PRKCA: variants seen among roughly 807,000 people sequenced by gnomAD.
PRKCA encodes the protein protein kinase C alpha type.
PRKCA carries 27 observed loss-of-function variants against 87.0 expected under a neutral mutation model. That is an observed-to-expected ratio of 0.31 (90% CI 0.23 to 0.43). The LOEUF (loss-of-function observed/expected upper bound fraction) is 0.43, where lower values mean the gene tolerates loss of function less well. PRKCA is among the 20% of genes least tolerant of loss of function. The pLI, the probability that PRKCA is intolerant of heterozygous loss-of-function variation, is 1.00. For missense variants in PRKCA, 518 were observed against 852.3 expected, an observed-to-expected ratio of 0.61 and a Z score of 4.88; for synonymous variants, 329 against 311.1, an observed-to-expected ratio of 1.06 and a Z score of -0.61.
intron 8 of PRKCA, among the ~76,000 whole-genome samples, chr17:66,717,425 G>C (rs1973505644): frequency 6.6e-6 from 1 of 152,332 alleles, no homozygotes; most frequent in East Asian, 1.9e-4. Context: ...TAGGTTCAAA[G>C]GCTGGAGTTC....
At chr17:66,507,661 G>A (rs151231398) in intron 3 of PRKCA, among the ~76,000 whole-genome samples, 161 of 152,320 alleles carry the variant, frequency 1.1e-3, no homozygotes, top group African/African-American at 3.8e-3. Context: ...CTTCTGAAGA[G>A]GGTACAGAGT....
At chr17:66,348,715 A>G (rs1457316553) in intron 2 of PRKCA, among the ~76,000 whole-genome samples, 1 of 152,206 alleles carries the variant, frequency 6.6e-6, no homozygotes, top group Non-Finnish European at 1.5e-5. Context: ...GGGTTTGCAT[A>G]CTTTCAGCCT....
chr17:66,671,209 CA>C (rs778507190), intron 5 of PRKCA, among the ~76,000 whole-genome samples: 3,960 of 48,058 alleles, frequency 0.082, 10 homozygotes, highest in Non-Finnish European at 0.11. Flanking sequence ...AGACTCATCT[CA>C]AAAAAAAAAA....
Position 66,392,919 on chromosome 17 carries a change from C to T in PRKCA, c.205+86792C>T, listed in dbSNP as rs193089194. 2.2e-3 allele frequency among the ~76,000 whole-genome samples: 333 copies of T among 152,132 alleles called. 1 individual carries two copies. The highest frequency in any genetic ancestry group is 7.3e-3 in the African/African-American group (301 of 41,502). ...TCTGAGGCACTCTGGGGAGAGTGTT[C>T]GCTTTCCAACAGTCGGGAAGCAAGC... On this transcript the variant is annotated intron_variant, in intron 2 of 16. Coordinates refer to ENST00000413366, the MANE Select transcript of PRKCA (RefSeq NM_002737.3).
chr17:66,497,558 A>T (rs1201635451), intron 3 of PRKCA, among the ~76,000 whole-genome samples: 1 of 152,038 alleles, frequency 6.6e-6, no homozygotes, highest in African/African-American at 2.4e-5. Context: ...AATATGTTGG[A>T]TAGAGAGAAA....
chr17:66,604,392 T>C (rs57871065), intron 3 of PRKCA, among the ~76,000 whole-genome samples: 3,943 of 152,324 alleles, frequency 0.026, 153 homozygotes, highest in East Asian at 0.15. Context: ...TGCACAGTTA[T>C]TCTGTTTCTC....
At chr17:66,613,997 G>T (rs2143655382) in intron 3 of PRKCA, among the ~76,000 whole-genome samples, 1 of 152,038 alleles carries the variant, frequency 6.6e-6, no homozygotes, top group East Asian at 1.9e-4. Flanking sequence ...CACCAAGATG[G>T]CCAGGCTTGT....
chr17:66,483,384 AG>A (rs1199652565), intron 2 of PRKCA, among the ~76,000 whole-genome samples: 1 of 152,132 alleles, frequency 6.6e-6, no homozygotes, highest in Non-Finnish European at 1.5e-5. Context: ...GCATCACCCC[AG>A]TCTTTCTCCA....
At chr17:66,670,754 C>T (rs969381368) in intron 5 of PRKCA, among the ~76,000 whole-genome samples, 5 of 151,688 alleles carry the variant, frequency 3.3e-5, no homozygotes, top group South Asian at 4.2e-4. Flanking sequence ...CCCAGCTACT[C>T]GGGAGGCTGA....
chr17:66,422,894 TGAGGTCAGGAGTTC>T (rs562870446), intron 2 of PRKCA, among the ~76,000 whole-genome samples: 1,597 of 152,246 alleles, frequency 0.01, 13 homozygotes, highest in Non-Finnish European at 0.018. Context: ...GTGGATCGCC[TGAGGTCAGGAGTTC>T]GAGACCAGCC....
Position 66,562,743 on chromosome 17 carries a change from C to T in PRKCA, c.288+66460C>T, listed in dbSNP as rs182818885. Among the ~76,000 whole-genome samples the T allele has an allele frequency of 4.0e-4, 61 of 152,054 alleles. 2 individuals are homozygous for T. The East Asian group carries it at 9.1e-3, about 23-fold the overall frequency. ...TTCTGAGTAGCTGGGATTACAGGTG[C>T]GCGCCACCACGCCCAGCTAATTTTT... is the stretch of plus-strand genomic sequence containing the variant. On this transcript the variant is annotated intron_variant, in intron 3 of 16. Coordinates refer to ENST00000413366, the MANE Select transcript of PRKCA (RefSeq NM_002737.3).
chr17:66,795,753 C>T (rs1042593840), intron 16 of PRKCA, among the ~76,000 whole-genome samples: 2 of 152,212 alleles, frequency 1.3e-5, no homozygotes, highest in Non-Finnish European at 2.9e-5. Context: ...GCCATTACAA[C>T]TTTTCTTGGA....
intron 16 of PRKCA, chr17:66,797,056 C>A: frequency 1.1e-6 from 1 of 887,132 alleles, no homozygotes; most frequent in Non-Finnish European, 1.4e-6. Flanking sequence ...TAGCTGAGAC[C>A]ATGGGGTTGT....
intron 3 of PRKCA, among the ~76,000 whole-genome samples, chr17:66,519,242 G>A (rs1257573632): frequency 2.6e-5 from 4 of 152,058 alleles, no homozygotes; most frequent in Admixed American, 6.5e-5. Context: ...AAGTTCACAG[G>A]GATTGTTGGA....
At chr17:66,691,680 G>A (rs946329929) in intron 8 of PRKCA, among the ~76,000 whole-genome samples, 2 of 152,198 alleles carry the variant, frequency 1.3e-5, no homozygotes, top group African/African-American at 4.8e-5. Context: ...GTCTCAGGCA[G>A]GGGAGGAACC....
At chr17:66,594,839 G>A (rs1212137797) in intron 3 of PRKCA, among the ~76,000 whole-genome samples, 1 of 152,128 alleles carries the variant, frequency 6.6e-6, no homozygotes, top group East Asian at 1.9e-4. Flanking sequence ...CCTCAGTTAA[G>A]GACCAAGATA....
intron 8 of PRKCA, among the ~76,000 whole-genome samples, chr17:66,716,680 G>C (rs914950606): frequency 1.3e-4 from 20 of 152,066 alleles, no homozygotes; most frequent in Admixed American, 2.6e-4. Context: ...GAAAAATTTG[G>C]TTGGCTGCAA....
At chr17:66,546,633 A>G (rs1446342497) in intron 3 of PRKCA, among the ~76,000 whole-genome samples, 2 of 152,196 alleles carry the variant, frequency 1.3e-5, no homozygotes, top group African/African-American at 4.8e-5. Flanking sequence ...AATAGCAATC[A>G]TTGGATTTAG....
intron 3 of PRKCA, among the ~76,000 whole-genome samples, chr17:66,520,035 G>A (rs1204719422): frequency 3.3e-5 from 5 of 151,260 alleles, no homozygotes; most frequent in Non-Finnish European, 7.4e-5. Flanking sequence ...GGTTTGTTTT[G>A]TTTGTTTGTT....
Sources: allele counts gnomAD v4.1 joint callset (sites outside exome capture counted in the v4.1 genomes callset), GRCh38; gene constraint gnomAD v4.1.1; transcripts MANE v1.5; gene names NCBI Gene and HGNC (gene_info 2026-07-23, HGNC 2026-07-21).